ERGIC2: variants seen among roughly 807,000 people sequenced by gnomAD.
The protein encoded by ERGIC2 is ERGIC and golgi 2.
ERGIC2 carries 31 observed loss-of-function variants against 52.5 expected under a neutral mutation model. That is an observed-to-expected ratio of 0.59 (90% CI 0.44 to 0.80). The LOEUF is 0.80. Ranked by LOEUF, ERGIC2 falls within the 30% of genes least tolerant of loss-of-function variation. ERGIC2 has a pLI of 0.00. For missense variants in ERGIC2, 395 were observed against 455.2 expected, an observed-to-expected ratio of 0.87 and a Z score of 1.20; for synonymous variants, 129 against 140.6, an observed-to-expected ratio of 0.92 and a Z score of 0.58.
chr12:29,350,177 A>C, intron 8 of ERGIC2, 109 bp from the exon 9 acceptor site: 1 of 669,926 alleles, frequency 1.5e-6, no homozygotes, highest in Non-Finnish European at 2.6e-6. Context: ...AGTACAAAAT[A>C]ACATAAGAAT....
At position 29,370,239 on chromosome 12, in the gene ERGIC2, C is replaced by T. The variant is rs760663083; in HGVS notation, c.107-17G>A. ...TTAGAGAAACTGGGAAATCCAACAACAAAAGAAAAACAGAATTAAAACAAT... is the reference window on the plus strand; with the variant it reads ...TTAGAGAAACTGGGAAATCCAACAATAAAAGAAAAACAGAATTAAAACAAT... On this transcript the variant is annotated splice_polypyrimidine_tract_variant and intron_variant, in intron 2 of 13. Coordinates refer to ENST00000360150, the MANE Select transcript of ERGIC2 (RefSeq NM_016570.3). 4 of 1,526,524 alleles carry T rather than the reference C, an allele frequency of 2.6e-6. No homozygotes were observed. The South Asian group carries it at 4.0e-5, about 15-fold the overall frequency. The allele number at this position is 1,526,524 out of a possible 1,614,324, so 94.6% of individuals were successfully genotyped here.
At chr12:29,361,512 T>C (rs937701280) in intron 6 of ERGIC2, 133 bp downstream of exon 6, 2 of 539,528 alleles carry the variant, frequency 3.7e-6, no homozygotes, top group African/African-American at 3.9e-5. Context: ...GTAAGGATTA[T>C]ATTATATACC....
intron 1 of ERGIC2, among the ~76,000 whole-genome samples, chr12:29,379,394 G>C (rs1388886159): frequency 6.6e-6 from 1 of 152,082 alleles, no homozygotes; most frequent in South Asian, 2.1e-4. Context: ...ATTAAAAGAG[G>C]ATAATAATTT....
intron 3 of ERGIC2, 129 bp from the exon 4 acceptor site, chr12:29,368,416 G>A (rs1166711832): frequency 3.5e-6 from 2 of 568,030 alleles, no homozygotes; most frequent in Admixed American, 3.3e-5. Context: ...AACTTGAATT[G>A]CATTTCTCAT....
rs1425780295 is a variant in ERGIC2 at position 29,339,458 on chromosome 12, T to C, written c.*1698A>G. On this transcript the variant is annotated 3_prime_UTR_variant, in exon 14 of 14. Transcript: ENST00000360150. ...TCTAATCCTTTCCTATTAAAATTCC[T>C]GTGGATAGATGGTGTTAGTTTATAG... The C allele has an allele frequency of 2.0e-5, 3 of 152,162 alleles. No individual in the cohort carries two copies. Among genetic ancestry groups the C allele is most frequent in the Non-Finnish European group, 4.4e-5 (3 of 68,012 alleles). 9.4% of individuals were successfully genotyped at this position (152,162 alleles called of 1,614,324 possible). A position where few individuals can be genotyped will look rare whatever the true frequency, so the allele number is the denominator to read the frequency against.
intron 8 of ERGIC2, among the ~76,000 whole-genome samples, chr12:29,354,223 T>C (rs955776334): frequency 2.0e-5 from 3 of 152,188 alleles, no homozygotes; most frequent in Non-Finnish European, 2.9e-5. Flanking sequence ...CATTTAGCTA[T>C]ATAAAGTTGT....
intron 6 of ERGIC2, among the ~76,000 whole-genome samples, chr12:29,358,866 C>G (rs891179582): frequency 6.6e-6 from 1 of 151,776 alleles, no homozygotes; most frequent in South Asian, 2.1e-4. Context: ...GTATAACAGG[C>G]CTATGTAAAA....
At chr12:29,356,560 A>T (rs965058172) in intron 7 of ERGIC2, 83 bp from the exon 8 acceptor site, 1 of 665,808 alleles carries the variant, frequency 1.5e-6, no homozygotes, top group Non-Finnish European at 2.5e-6. Flanking sequence ...AGAAAAAAAA[A>T]TCCCTAAAGA....
chr12:29,372,214 G>A (rs535802987), intron 1 of ERGIC2, among the ~76,000 whole-genome samples: 5 of 152,040 alleles, frequency 3.3e-5, no homozygotes, highest in Non-Finnish European at 5.9e-5. Flanking sequence ...GTGGTGGCAC[G>A]TGCCTGTAGT....
In ERGIC2 at chr12:29,357,213, G is replaced by A. The variant is rs146935885; in HGVS notation, c.476+410C>T. ...TCGAACTCCTGACCTCAAATGATCC[G>A]CCCACCTTGGCCTCCAAAAGTGCTG... On this transcript the variant is annotated intron_variant, in intron 7 of 13. Transcript: ENST00000360150. Among the ~76,000 whole-genome samples the A allele has an allele frequency of 5.8e-3, 881 of 151,962 alleles. 12 individuals carry two copies. Among genetic ancestry groups the A allele is most frequent in the African/African-American group, 0.021 (854 of 41,420 alleles).
chr12:29,375,268 G>C (rs755224023), intron 1 of ERGIC2, among the ~76,000 whole-genome samples: 1 of 152,074 alleles, frequency 6.6e-6, no homozygotes, highest in Non-Finnish European at 1.5e-5. Context: ...ATTTCTAATT[G>C]CCTCTTTTTC....
At chr12:29,378,804 G>A (rs1940548473) in intron 1 of ERGIC2, among the ~76,000 whole-genome samples, 1 of 152,140 alleles carries the variant, frequency 6.6e-6, no homozygotes, top group Non-Finnish European at 1.5e-5. Context: ...GCACTTACTA[G>A]TTGTGTGACA....
At chr12:29,377,330 G>A (rs1940528539) in intron 1 of ERGIC2, among the ~76,000 whole-genome samples, 1 of 152,166 alleles carries the variant, frequency 6.6e-6, no homozygotes, top group Non-Finnish European at 1.5e-5. Flanking sequence ...AGTATCCATG[G>A]GGTATTGGTT....
intron 1 of ERGIC2, among the ~76,000 whole-genome samples, chr12:29,375,233 T>C (rs1471149889): frequency 1.3e-5 from 2 of 152,234 alleles, no homozygotes; most frequent in Non-Finnish European, 2.9e-5. Context: ...TATCTGCTTC[T>C]AGAACGTTGT....
chr12:29,345,615 C>T (rs1940037250), intron 10 of ERGIC2, 75 bp from the exon 11 acceptor site: 1 of 819,306 alleles, frequency 1.2e-6, no homozygotes, highest in South Asian at 1.3e-5. Context: ...CTATTAAACA[C>T]ATTTAACCTG....
intron 3 of ERGIC2, among the ~76,000 whole-genome samples, chr12:29,368,505 G>T (rs531185400): frequency 8.6e-4 from 130 of 151,850 alleles, no homozygotes; most frequent in Non-Finnish European, 1.5e-3. Flanking sequence ...ACAGGTTTTT[G>T]AACACAGTAT....
intron 5 of ERGIC2, among the ~76,000 whole-genome samples, chr12:29,362,231 A>C (rs1940296884): frequency 6.6e-6 from 1 of 152,224 alleles, no homozygotes; most frequent in Non-Finnish European, 1.5e-5. Context: ...TCAGAGAAAA[A>C]TATGCAAACT....
At chr12:29,369,132 T>C (rs1437674318) in intron 3 of ERGIC2, among the ~76,000 whole-genome samples, 2 of 151,938 alleles carry the variant, frequency 1.3e-5, no homozygotes, top group African/African-American at 4.8e-5. Context: ...TCAAACTGTG[T>C]TCCAAATAAC....
At chr12:29,369,270 T>G (rs1940406566) in intron 3 of ERGIC2, among the ~76,000 whole-genome samples, 1 of 151,944 alleles carries the variant, frequency 6.6e-6, no homozygotes, top group African/African-American at 2.4e-5. Context: ...AAATGAAGTA[T>G]TGCATTGGTG....
Sources: gnomAD v4.1 joint callset for allele counts (sites outside exome capture counted in the v4.1 genomes callset) on GRCh38, gnomAD v4.1.1 for gene constraint, MANE v1.5 for transcripts, NCBI Gene and HGNC (gene_info 2026-07-23, HGNC 2026-07-21) for gene names.